BCL9: variants seen among roughly 807,000 people sequenced by gnomAD.
BCL9 encodes B-cell CLL/lymphoma 9 protein.
In BCL9, 25 loss-of-function variants were observed where a neutral mutation model predicts 88.5. The ratio of observed to expected loss-of-function variants is 0.28; its 90% CI spans 0.21 to 0.39. The LOEUF is 0.39. BCL9 is among the 10% of genes least tolerant of loss of function. The pLI is 1.00. For missense variants in BCL9, 1,817 were observed against 1,877.8 expected, an observed-to-expected ratio of 0.97 and a Z score of 0.60; for synonymous variants, 711 against 673.3, an observed-to-expected ratio of 1.06 and a Z score of -0.87.
intron 1 of BCL9, among the ~76,000 whole-genome samples, chr1:147,554,896 A>C (rs1410864707): frequency 6.6e-6 from 1 of 152,172 alleles, no homozygotes; most frequent in Non-Finnish European, 1.5e-5. Flanking sequence ...ACATATCTCC[A>C]GGTCCCTGGT....
intron 1 of BCL9, among the ~76,000 whole-genome samples, chr1:147,584,637 C>G (rs1467897322): frequency 6.6e-6 from 1 of 152,240 alleles, no homozygotes; most frequent in Non-Finnish European, 1.5e-5. Flanking sequence ...CTGATTAGGC[C>G]TACACAGAAT....
chr1:147,593,560 T>G (rs1341914885), intron 1 of BCL9, among the ~76,000 whole-genome samples: 1 of 152,198 alleles, frequency 6.6e-6, no homozygotes, highest in Non-Finnish European at 1.5e-5. Flanking sequence ...TTGTCAATAT[T>G]TTTAACAAGC....
chr1:147,599,455 C>T (rs1553200830), intron 1 of BCL9, among the ~76,000 whole-genome samples: 1 of 151,560 alleles, frequency 6.6e-6, no homozygotes. Flanking sequence ...GGCCAAATTC[C>T]ACGCTGCCCT....
chr1:147,602,767 G>A (rs1657466805), intron 1 of BCL9, among the ~76,000 whole-genome samples: 1 of 152,206 alleles, frequency 6.6e-6, no homozygotes, highest in Non-Finnish European at 1.5e-5. Flanking sequence ...TTCCTCAGAA[G>A]TGTCTGCTCC....
chr1:147,600,679 G>A (rs1657342282), intron 1 of BCL9, among the ~76,000 whole-genome samples: 1 of 152,088 alleles, frequency 6.6e-6, no homozygotes, highest in Admixed American at 6.5e-5. Flanking sequence ...TGTTGGAGGG[G>A]CGAGATGGAG....
At position 147,620,411 on chromosome 1, in the gene BCL9, A is replaced by G. The variant is rs587723769; in HGVS notation, c.2256A>G (p.Pro752=). Residue 752 remains proline (P), a synonymous_variant, in exon 8 of 10, where the codon CCA becomes CCG. Coordinates refer to ENST00000234739, the MANE Select transcript of BCL9 (RefSeq NM_004326.4). ...CTGAGGAGATGCTGAAATTACGCCC[A>G]GGTGGCTCAGACATGCTGCCTGCTC... ...AGPEEMLKLR[P]GGSDMLPAQQ... is the part of the protein sequence containing the mutation. 4 of 1,614,070 alleles carry G rather than the reference A, an allele frequency of 2.5e-6. No homozygotes were observed. The highest frequency in any genetic ancestry group is 2.2e-5 in the East Asian group (1 of 44,864).
At chr1:147,565,113 A>G (rs1655545098) in intron 1 of BCL9, among the ~76,000 whole-genome samples, 1 of 152,122 alleles carries the variant, frequency 6.6e-6, no homozygotes, top group East Asian at 1.9e-4. Context: ...TTCTCTCCCA[A>G]CTTTAGCCAT....
chr1:147,599,601 C>A (rs184494997), intron 1 of BCL9, among the ~76,000 whole-genome samples: 175 of 152,180 alleles, frequency 1.1e-3, no homozygotes, highest in African/African-American at 3.7e-3. Context: ...TGCCGAACCT[C>A]CCGCCCCGCC....
intron 1 of BCL9, among the ~76,000 whole-genome samples, chr1:147,583,153 C>A (rs957621979): frequency 2.6e-5 from 4 of 151,918 alleles, no homozygotes; most frequent in Admixed American, 6.6e-5. Context: ...TTTTTCATAC[C>A]CCTTTGTATG....
intron 1 of BCL9, among the ~76,000 whole-genome samples, chr1:147,590,051 C>T (rs782188237): frequency 1.3e-5 from 2 of 152,260 alleles, no homozygotes; most frequent in East Asian, 3.9e-4. Flanking sequence ...GTAGTGGTAG[C>T]TCACTGTAGA....
At chr1:147,587,158 C>T (rs186757155) in intron 1 of BCL9, among the ~76,000 whole-genome samples, 22 of 152,214 alleles carry the variant, frequency 1.4e-4, no homozygotes, top group African/African-American at 5.1e-4. Context: ...GACAGTCTTT[C>T]TAGACTCTTC....
intron 6 of BCL9, 124 bp downstream of exon 6, chr1:147,614,740 T>A: frequency 1.8e-6 from 2 of 1,092,268 alleles, no homozygotes; most frequent in Non-Finnish European, 2.5e-6. Context: ...ACATAAAACC[T>A]CCCCAACCCA....
chr1:147,558,674 G>A (rs780652665), intron 1 of BCL9, among the ~76,000 whole-genome samples: 5 of 151,976 alleles, frequency 3.3e-5, no homozygotes, highest in African/African-American at 7.3e-5. Flanking sequence ...AGGTGTGAGC[G>A]TCCCCCGAAG....
intron 5 of BCL9, among the ~76,000 whole-genome samples, chr1:147,613,848 G>A (rs1658134530): frequency 6.6e-6 from 1 of 152,196 alleles, no homozygotes; most frequent in South Asian, 2.1e-4. Context: ...AGTCTTAACT[G>A]TAGGCCAGAA....
At chr1:147,610,341 T>A (rs1413031298) in intron 3 of BCL9, among the ~76,000 whole-genome samples, 1 of 152,204 alleles carries the variant, frequency 6.6e-6, no homozygotes, top group African/African-American at 2.4e-5. Context: ...AGGAAAAAAT[T>A]TAATTGAGTG....
At position 147,620,424 on chromosome 1, in the gene BCL9, A is replaced by G; in HGVS notation, c.2269A>G (p.Met757Val). 6.2e-7 allele frequency: 1 copy of G among 1,614,012 alleles called. No homozygotes were observed. Among genetic ancestry groups the G allele is most frequent in the South Asian group, 1.1e-5 (1 of 91,066 alleles). The part of the protein sequence containing the change: ...MLKLRPGGSD[M>V]LPAQQKMVPL... ...GAAATTACGCCCAGGTGGCTCAGAC[A>G]TGCTGCCTGCTCAGCAGAAGATGGT... The change falls in exon 8 of 10, where the codon ATG becomes GTG. Residue 757 changes from methionine (M) to valine (V), a missense_variant. Coordinates refer to ENST00000234739, the MANE Select transcript of BCL9 (RefSeq NM_004326.4).
intron 5 of BCL9, among the ~76,000 whole-genome samples, chr1:147,614,001 T>TG (rs1482566648): frequency 1.3e-5 from 2 of 152,194 alleles, no homozygotes; most frequent in African/African-American, 4.8e-5. Context: ...AGCACTATGC[T>TG]GGGGGGCCAT....
In BCL9 at chr1:147,618,807, T is replaced by G; in HGVS notation, c.661-9T>G. On this transcript the variant is annotated splice_polypyrimidine_tract_variant and intron_variant, in intron 7 of 9. Coordinates refer to ENST00000234739, the MANE Select transcript of BCL9 (RefSeq NM_004326.4). ...ACTAATGATTTTTAAACTATTTGTT[T>G]GTCTTCAGAACACACAGATATCTGC... 3 of 1,516,740 alleles carry G rather than the reference T, an allele frequency of 2.0e-6. No homozygotes were observed. Among genetic ancestry groups the G allele is most frequent in the Non-Finnish European group, 2.6e-6 (3 of 1,133,588 alleles). 94.0% of individuals were successfully genotyped at this position (1,516,740 alleles called of 1,614,324 possible).
At chr1:147,570,221 A>G (rs1297504119) in intron 1 of BCL9, among the ~76,000 whole-genome samples, 1 of 152,220 alleles carries the variant, frequency 6.6e-6, no homozygotes, top group African/African-American at 2.4e-5. Context: ...GAGCATGATG[A>G]ATGAAAAGAG....
Sources: gnomAD v4.1 joint callset for allele counts (sites outside exome capture counted in the v4.1 genomes callset) on GRCh38, gnomAD v4.1.1 for gene constraint, MANE v1.5 for transcripts, NCBI Gene and HGNC (gene_info 2026-07-23, HGNC 2026-07-21) for gene names.